The following ADCY8 variants were observed in gnomAD, a reference collection of about 807,000 sequenced individuals.
ADCY8 encodes the protein adenylate cyclase type 8.
Under a neutral mutation model 119.7 loss-of-function variants are expected in ADCY8, and 51 were observed. The ratio of observed to expected loss-of-function variants is 0.43; its 90% CI spans 0.34 to 0.54. The LOEUF (loss-of-function observed/expected upper bound fraction) is 0.54. Among genes scored for constraint, ADCY8 ranks in the 20% least tolerant of loss-of-function variants. ADCY8 has a pLI of 0.03. For synonymous variants in ADCY8, 665 were observed against 651.0 expected, an observed-to-expected ratio of 1.02 and a Z score of -0.33; for missense variants, 1,383 against 1,598.8, an observed-to-expected ratio of 0.87 and a Z score of 2.30.
chr8:131,016,980 A>T (rs545942760), intron 1 of ADCY8, among the ~76,000 whole-genome samples: 1 of 152,096 alleles, frequency 6.6e-6, no homozygotes, highest in Admixed American at 6.6e-5. Context: ...CCTATCTAGG[A>T]TGTTGGAGAA....
chr8:131,039,750 G>A lies in ADCY8; in HGVS notation c.584C>T (p.Thr195Ile), dbSNP rs781325459. The change falls in exon 1 of 18, where the codon ACT (threonine) becomes ATT (isoleucine). Residue 195 changes from threonine to isoleucine, a missense_variant. Thr to Ile is a moderately conservative substitution (Grantham distance 89). Coordinates refer to ENST00000286355, the MANE Select transcript of ADCY8 (RefSeq NM_001115.3). Reference sequence around the variant, plus strand: ...CAGGCTCAAGTGTAGGACCAAGAGAGTGAGTTTGGTCAGCACGTCCAGCAC... The same window carrying A: ...CAGGCTCAAGTGTAGGACCAAGAGAATGAGTTTGGTCAGCACGTCCAGCAC... Reference protein sequence around the residue: ...MNVLDVLTKLTLLVLHLSLAS... With the variant: ...MNVLDVLTKLILLVLHLSLAS... 1.2e-6 allele frequency: 2 copies of A among 1,614,038 alleles called. No individual in the cohort carries two copies. Among genetic ancestry groups the A allele is most frequent in the African/African-American group, 1.3e-5 (1 of 74,912 alleles).
At chr8:130,885,941 C>T (rs1294556482) in intron 7 of ADCY8, among the ~76,000 whole-genome samples, 2 of 151,958 alleles carry the variant, frequency 1.3e-5, no homozygotes, top group African/African-American at 2.4e-5. Context: ...CCTTGCAGAT[C>T]CTCTTGCCAA....
At chr8:130,878,572 C>T (rs1257401276) in intron 8 of ADCY8, among the ~76,000 whole-genome samples, 1 of 152,124 alleles carries the variant, frequency 6.6e-6, no homozygotes, top group Non-Finnish European at 1.5e-5. Flanking sequence ...GAAAGATGGC[C>T]AACAACCAAG....
chr8:130,915,377 G>C (rs1820096513), intron 5 of ADCY8, among the ~76,000 whole-genome samples: 1 of 152,166 alleles, frequency 6.6e-6, no homozygotes, highest in African/African-American at 2.4e-5. Flanking sequence ...TAATTCAGTA[G>C]CAATCATTGA....
At chr8:130,794,999 A>G (rs903010893) in intron 15 of ADCY8, among the ~76,000 whole-genome samples, 2 of 152,066 alleles carry the variant, frequency 1.3e-5, no homozygotes, top group African/African-American at 2.4e-5. Flanking sequence ...TGAGGCAGGC[A>G]GATCACCTAA....
intron 15 of ADCY8, among the ~76,000 whole-genome samples, chr8:130,792,461 ATGTCTTCATTATAGGTCTAACAGG>A (rs1307620849): frequency 1.3e-5 from 2 of 152,112 alleles, no homozygotes; most frequent in African/African-American, 4.8e-5. Flanking sequence ...TGCTTACATG[ATGTCTTCATTATAGGTCTAACAGG>A]TGTCTCAGAT....
intron 14 of ADCY8, among the ~76,000 whole-genome samples, chr8:130,810,317 A>C: frequency 6.7e-6 from 1 of 150,360 alleles, no homozygotes; most frequent in African/African-American, 2.5e-5. Flanking sequence ...CCTTTCACAT[A>C]TTGTATGACT....
chr8:130,988,544 TA>T (rs1213131590), intron 2 of ADCY8, among the ~76,000 whole-genome samples: 1 of 152,114 alleles, frequency 6.6e-6, no homozygotes, highest in African/African-American at 2.4e-5. Flanking sequence ...GGCCCATGTA[TA>T]AAAAAGGAAC....
At chr8:130,846,880 CCCTTCCCTTTCCTTCCTTCCTT>C (rs1308624362) in intron 11 of ADCY8, among the ~76,000 whole-genome samples, 4 of 23,790 alleles carry the variant, frequency 1.7e-4, no homozygotes, top group African/African-American at 9.8e-4. Context: ...CCCTTCCCTT[CCCTTCCCTTTCCTTCCTTCCTT>C]CCTTCCTTCC....
chr8:130,806,025 C>A (rs796081627), intron 14 of ADCY8, among the ~76,000 whole-genome samples: 1 of 152,198 alleles, frequency 6.6e-6, no homozygotes, highest in Non-Finnish European at 1.5e-5. Flanking sequence ...GAGACTCCCT[C>A]CCCGGCATTT....
At chr8:130,783,938 A>G (rs776973787) in intron 16 of ADCY8, 133 bp from the exon 17 acceptor site, 2 of 639,890 alleles carry the variant, frequency 3.1e-6, no homozygotes, top group Non-Finnish European at 5.4e-6. Context: ...CATGTGGGTG[A>G]GCCCCTCTAC....
intron 14 of ADCY8, among the ~76,000 whole-genome samples, chr8:130,803,674 A>G (rs1815853134): frequency 6.6e-6 from 1 of 152,236 alleles, no homozygotes; most frequent in Admixed American, 6.5e-5. Context: ...TTACTGATAC[A>G]GGAAATGAGA....
rs755604334 is a variant in ADCY8, at chr8:131,040,309, G to C, written c.25C>G (p.Leu9Val). 6.5e-7 allele frequency: 1 copy of C among 1,540,812 alleles called. No individual in the cohort carries two copies. The highest frequency in any genetic ancestry group is 8.7e-7 in the Non-Finnish European group (1 of 1,148,368). Residue 9 changes from leucine (L) to valine (V), a missense_variant, in exon 1 of 18, where the codon CTT becomes GTT. Transcript: ENST00000286355. ...GTGTAGAGTTCCTCGCTGCCTGTAAGGCAGCGCACATCGGAGAGCTCCATG... is the reference window on the plus strand; with the variant it reads ...GTGTAGAGTTCCTCGCTGCCTGTAACGCAGCGCACATCGGAGAGCTCCATG... Reference protein sequence around the residue: MELSDVRCLTGSEELYTIH... With the variant: MELSDVRCVTGSEELYTIH...
intron 5 of ADCY8, among the ~76,000 whole-genome samples, chr8:130,926,673 G>A (rs1210201525): frequency 7.2e-5 from 11 of 151,796 alleles, no homozygotes; most frequent in African/African-American, 2.7e-4. Context: ...ATGTATAATA[G>A]GTCTTTTGAA....
At chr8:130,911,930 G>T (rs867870765) in intron 5 of ADCY8, among the ~76,000 whole-genome samples, 1 of 152,156 alleles carries the variant, frequency 6.6e-6, no homozygotes, top group Non-Finnish European at 1.5e-5. Flanking sequence ...GATCTGTCCA[G>T]TGCCTTAGTT....
intron 8 of ADCY8, among the ~76,000 whole-genome samples, chr8:130,870,020 T>C (rs1361387231): frequency 2.9e-4 from 42 of 144,638 alleles, no homozygotes; most frequent in Admixed American, 4.8e-4. Flanking sequence ...TTCTTCTTCT[T>C]TTTTTTTTTT....
intron 1 of ADCY8, among the ~76,000 whole-genome samples, chr8:131,028,105 C>T (rs1342231622): frequency 1.3e-5 from 2 of 152,196 alleles, no homozygotes; most frequent in East Asian, 3.9e-4. Flanking sequence ...GTTGAACTAT[C>T]CTTCTTTTAG....
intron 1 of ADCY8, among the ~76,000 whole-genome samples, chr8:131,038,597 A>G (rs1824241399): frequency 4.6e-5 from 7 of 152,224 alleles, no homozygotes. Flanking sequence ...AGGAGGAGAA[A>G]GGAGGGAAAG....
At chr8:130,937,903 T>C (rs6470865) in intron 4 of ADCY8, among the ~76,000 whole-genome samples, 8,250 of 152,200 alleles carry the variant, frequency 0.054, 696 homozygotes, top group African/African-American at 0.19. Flanking sequence ...GGTGGGTTGT[T>C]TTTTATCTCC....
Sources: gnomAD v4.1 joint callset for allele counts (sites outside exome capture counted in the v4.1 genomes callset) on GRCh38, gnomAD v4.1.1 for gene constraint, MANE v1.5 for transcripts, NCBI Gene and HGNC (gene_info 2026-07-23, HGNC 2026-07-21) for gene names.